The following ACYP2 variants were observed in gnomAD, a reference collection of about 807,000 sequenced individuals.
ACYP2 encodes the protein acylphosphatase-2.
Under a neutral mutation model 11.2 loss-of-function variants are expected in ACYP2, and 12 were observed. That is an observed-to-expected ratio of 1.08 (90% confidence interval 0.69 to 1.74). The LOEUF (loss-of-function observed/expected upper bound fraction) is 1.74. Ranked by LOEUF, ACYP2 falls within the 40% of genes most tolerant of loss-of-function variation. The pLI, the probability that ACYP2 is intolerant of heterozygous loss-of-function variation, is 0.00. For synonymous variants in ACYP2, 43 were observed against 32.2 expected, an observed-to-expected ratio of 1.33 and a Z score of -1.13; for missense variants, 134 against 101.9, an observed-to-expected ratio of 1.31 and a Z score of -1.35.
At position 54,275,673 on chromosome 2, in the gene ACYP2, T is replaced by C. The variant is rs77307945; in HGVS notation, c.405-29015T>C. 8.0e-4 allele frequency among the ~76,000 whole-genome samples: 122 copies of C among 152,302 alleles called. No homozygotes were observed. In the East Asian group the frequency reaches 0.02, roughly 26 times the overall value. On this transcript the variant is annotated intron_variant, in intron 6 of 6. Transcript: ENST00000607452. ...GTGAATCAGCTTTGTGTCTAACAAT[T>C]TCCTTTCTAAGGAACATCAAGCATA...
intron 6 of ACYP2, among the ~76,000 whole-genome samples, chr2:54,222,631 CAG>C (rs1368903260): frequency 1.3e-5 from 2 of 151,916 alleles, no homozygotes; most frequent in Non-Finnish European, 2.9e-5. Context: ...CTACATAACC[CAG>C]AGGTCACCCA....
intron 4 of ACYP2, among the ~76,000 whole-genome samples, chr2:54,113,780 T>C (rs566767178): frequency 2.0e-5 from 3 of 152,166 alleles, no homozygotes; most frequent in Admixed American, 6.5e-5. Flanking sequence ...ACCTCTGTAC[T>C]GAGAGAGCAG....
intron 6 of ACYP2, among the ~76,000 whole-genome samples, chr2:54,199,973 AAC>A (rs1684689322): frequency 6.6e-6 from 1 of 152,232 alleles, no homozygotes; most frequent in African/African-American, 2.4e-5. Flanking sequence ...CTTGAATTTA[AAC>A]ACAGTTTTGT....
chr2:53,983,835 A>G (rs547775313), intron 2 of ACYP2, among the ~76,000 whole-genome samples: 1 of 152,334 alleles, frequency 6.6e-6, no homozygotes, highest in East Asian at 1.9e-4. Flanking sequence ...TAGAAAGACC[A>G]AGAGTTTTCA....
At chr2:54,027,174 G>C (rs1674330442) in intron 2 of ACYP2, among the ~76,000 whole-genome samples, 2 of 152,190 alleles carry the variant, frequency 1.3e-5, no homozygotes, top group African/African-American at 4.8e-5. Context: ...AAATAGGGTA[G>C]TTTGAAAACT....
At chr2:54,051,430 A>G (rs530129062) in intron 3 of ACYP2, 1 of 716,898 alleles carries the variant, frequency 1.4e-6, no homozygotes, top group Non-Finnish European at 2.5e-6. Flanking sequence ...AGAAATGAAA[A>G]TCTATATCCC....
chr2:54,254,905 T>G, intron 6 of ACYP2: 1 of 1,600,402 alleles, frequency 6.2e-7, no homozygotes, highest in African/African-American at 1.3e-5. Flanking sequence ...CAGGAGTAAT[T>G]CCAAAGGCAA....
chr2:54,291,257 C>A (rs1304270197), intron 6 of ACYP2, among the ~76,000 whole-genome samples: 1 of 152,178 alleles, frequency 6.6e-6, no homozygotes, highest in Non-Finnish European at 1.5e-5. Flanking sequence ...CTGGTCATGC[C>A]TTCTACATGT....
At chr2:54,101,645 G>C (rs1678898084) in intron 4 of ACYP2, among the ~76,000 whole-genome samples, 1 of 144,988 alleles carries the variant, frequency 6.9e-6, no homozygotes, top group African/African-American at 2.6e-5. Context: ...TTGCAATCCA[G>C]CTTGGGTTAC....
At chr2:54,289,154 C>A (rs1158508023) in intron 6 of ACYP2, among the ~76,000 whole-genome samples, 5 of 151,940 alleles carry the variant, frequency 3.3e-5, no homozygotes, top group African/African-American at 9.7e-5. Flanking sequence ...ATTGAGCACA[C>A]CTTAAAGTCA....
intron 6 of ACYP2, among the ~76,000 whole-genome samples, chr2:54,241,365 G>A (rs982181057): frequency 1.8e-4 from 27 of 152,140 alleles, no homozygotes; most frequent in African/African-American, 4.3e-4. Context: ...ATATTGAACC[G>A]AAAAATGAAG....
At chr2:54,138,178 A>T (rs1681371032) in intron 5 of ACYP2, among the ~76,000 whole-genome samples, 1 of 152,016 alleles carries the variant, frequency 6.6e-6, no homozygotes. Flanking sequence ...GGAAATTTCG[A>T]AGTGTTGTAG....
chr2:54,012,530 A>T (rs143514199), intron 2 of ACYP2, among the ~76,000 whole-genome samples: 1 of 152,168 alleles, frequency 6.6e-6, no homozygotes, highest in African/African-American at 2.4e-5. Flanking sequence ...TCAATCAATC[A>T]ATAAAGCATT....
chr2:54,065,280 T>G lies in ACYP2; in HGVS notation c.277+7920T>G, dbSNP rs544094252. Among the ~76,000 whole-genome samples the G allele has an allele frequency of 7.9e-5, 12 of 152,264 alleles. 1 individual carries two copies. In the South Asian group the frequency reaches 2.5e-3, roughly 32 times the overall value. The stretch of plus-strand genomic sequence containing the variant: ...AAAGAGAGGCATCAAGGTTAGTCCT[T>G]AGATTTTTGCTGTTTGAATTGGATG... On this transcript the variant is annotated intron_variant, in intron 4 of 6. Transcript: ENST00000607452.
chr2:53,987,937 A>G (rs145437638), intron 2 of ACYP2, among the ~76,000 whole-genome samples: 2 of 152,220 alleles, frequency 1.3e-5, no homozygotes, highest in East Asian at 1.9e-4. Context: ...TTTGTCAGAT[A>G]TGTGGTTTGC....
At chr2:54,290,521 T>C (rs745975417) in intron 6 of ACYP2, among the ~76,000 whole-genome samples, 1 of 150,128 alleles carries the variant, frequency 6.7e-6, no homozygotes, top group Non-Finnish European at 1.5e-5. Context: ...AACAAGAGCA[T>C]GTACATTTAA....
intron 4 of ACYP2, among the ~76,000 whole-genome samples, chr2:54,113,036 G>A (rs1679537470): frequency 6.6e-6 from 1 of 152,172 alleles, no homozygotes; most frequent in Non-Finnish European, 1.5e-5. Context: ...ATCTGCAGGG[G>A]ATTGGTTCCA....
At chr2:54,136,311 T>C (rs1207484058) in intron 5 of ACYP2, among the ~76,000 whole-genome samples, 1 of 152,130 alleles carries the variant, frequency 6.6e-6, no homozygotes, top group East Asian at 1.9e-4. Context: ...AAAATGCCCA[T>C]GCCTGGCTCC....
chr2:54,093,572 T>C (rs1336085719), intron 4 of ACYP2, among the ~76,000 whole-genome samples: 1 of 152,254 alleles, frequency 6.6e-6, no homozygotes, highest in Non-Finnish European at 1.5e-5. Flanking sequence ...TGTTTCTGTG[T>C]CTGGGTACAG....
Sources: gnomAD v4.1 joint callset for allele counts (sites outside exome capture counted in the v4.1 genomes callset) on GRCh38, gnomAD v4.1.1 for gene constraint, MANE v1.5 for transcripts, NCBI Gene and HGNC (gene_info 2026-07-23, HGNC 2026-07-21) for gene names.